The following SERPINI1 variants were observed in gnomAD, a reference collection of about 807,000 sequenced individuals.
SERPINI1 encodes neuroserpin.
Under a neutral mutation model 41.1 loss-of-function variants are expected in SERPINI1, and 19 were observed. That is an observed-to-expected ratio of 0.46 (90% CI 0.32 to 0.68). The LOEUF (loss-of-function observed/expected upper bound fraction) is 0.68, where lower values mean the gene tolerates loss of function less well. SERPINI1 is among the 30% of genes least tolerant of loss of function. The pLI, the probability that SERPINI1 is intolerant of heterozygous loss-of-function variation, is 0.03. For synonymous variants in SERPINI1, 138 were observed against 156.6 expected (o/e 0.88, Z 0.89); for missense variants, 460 against 479.2 (o/e 0.96, Z 0.37).
At position 167,788,364 on chromosome 3, in the gene SERPINI1, A is replaced by G. The variant is rs77471090; in HGVS notation, c.-18-747A>G. 1.9e-3 allele frequency among the ~76,000 whole-genome samples: 297 copies of G among 152,352 alleles called. 7 individuals are homozygous for G. The East Asian group carries it at 0.053, about 27-fold the overall frequency. On this transcript the variant is annotated intron_variant, in intron 1 of 8. Coordinates refer to ENST00000446050, the MANE Select transcript of SERPINI1 (RefSeq NM_001122752.2). ...GATAATTAGAAATATTAATTTAAATAGAAACACCAGTTTGTTTGGTGTAAG... is the reference window on the plus strand; with the variant it reads ...GATAATTAGAAATATTAATTTAAATGGAAACACCAGTTTGTTTGGTGTAAG...
intron 1 of SERPINI1, among the ~76,000 whole-genome samples, chr3:167,742,259 C>A (rs1378553342): frequency 6.6e-6 from 1 of 151,952 alleles, no homozygotes; most frequent in Non-Finnish European, 1.5e-5. Context: ...ATTGCATGGC[C>A]CAAAAGTGAT....
At chr3:167,786,368 C>T (rs372622088) in intron 1 of SERPINI1, among the ~76,000 whole-genome samples, 1 of 151,724 alleles carries the variant, frequency 6.6e-6, no homozygotes, top group Non-Finnish European at 1.5e-5. Context: ...ATTAGCCGGG[C>T]GTTGTGGCAG....
At chr3:167,796,692 C>A (rs1233311460) in intron 5 of SERPINI1, among the ~76,000 whole-genome samples, 1 of 152,132 alleles carries the variant, frequency 6.6e-6, no homozygotes, top group Non-Finnish European at 1.5e-5. Context: ...TGATCTCATT[C>A]CTTTTTATGG....
At chr3:167,792,808 T>A in intron 4 of SERPINI1, 24 bp downstream of exon 4, 3 of 1,564,524 alleles carry the variant, frequency 1.9e-6, no homozygotes, top group Non-Finnish European at 2.6e-6. Flanking sequence ...TGCTTTTATT[T>A]CTCTCTTCTT....
chr3:167,811,752 C>T (rs1472015054), intron 6 of SERPINI1, among the ~76,000 whole-genome samples: 1 of 152,112 alleles, frequency 6.6e-6, no homozygotes, highest in African/African-American at 2.4e-5. Flanking sequence ...CGCAGTGACT[C>T]ATGCCTGTAA....
chr3:167,804,382 C>T (rs1184253822), intron 5 of SERPINI1, among the ~76,000 whole-genome samples: 3 of 152,142 alleles, frequency 2.0e-5, no homozygotes, highest in African/African-American at 4.8e-5. Flanking sequence ...TTGACTATCA[C>T]GGACTTATCT....
chr3:167,782,100 C>T (rs1727151280), intron 1 of SERPINI1, among the ~76,000 whole-genome samples: 1 of 152,220 alleles, frequency 6.6e-6, no homozygotes, highest in African/African-American at 2.4e-5. Context: ...ACTGCAGCCT[C>T]TTGTTGTTTT....
At chr3:167,762,259 T>C (rs953837372) in intron 1 of SERPINI1, among the ~76,000 whole-genome samples, 1 of 151,988 alleles carries the variant, frequency 6.6e-6, no homozygotes, top group Non-Finnish European at 1.5e-5. Context: ...TCATTCCCTC[T>C]CCTCTCCTCA....
At chr3:167,807,420 C>T (rs1711687318) in intron 6 of SERPINI1, 79 bp downstream of exon 6, 4 of 939,314 alleles carry the variant, frequency 4.3e-6, no homozygotes, top group African/African-American at 3.3e-5. Context: ...CCTCTATTTA[C>T]TATGGAGTTC....
intron 1 of SERPINI1, among the ~76,000 whole-genome samples, chr3:167,747,444 A>T (rs1358182521): frequency 6.6e-6 from 1 of 152,208 alleles, no homozygotes; most frequent in East Asian, 1.9e-4. Flanking sequence ...GGAGATCGAA[A>T]CCATCCTGGC....
At chr3:167,775,348 G>A (rs774779021) in intron 1 of SERPINI1, among the ~76,000 whole-genome samples, 12 of 150,630 alleles carry the variant, frequency 8.0e-5, no homozygotes, top group Non-Finnish European at 1.6e-4. Context: ...TGCAACCTCC[G>A]CCTCCTGGGT....
intron 1 of SERPINI1, among the ~76,000 whole-genome samples, chr3:167,769,174 A>T (rs756124624): frequency 4.6e-5 from 7 of 151,992 alleles, no homozygotes; most frequent in Non-Finnish European, 7.4e-5. Context: ...TTGTATTTTT[A>T]GTAGAAACGG....
At chr3:167,806,378 T>G (rs889926953) in intron 5 of SERPINI1, among the ~76,000 whole-genome samples, 2 of 152,064 alleles carry the variant, frequency 1.3e-5, no homozygotes, top group African/African-American at 4.8e-5. Context: ...TAAATGCATG[T>G]GGAGCTTAAA....
chr3:167,797,276 T>A (rs1727747147), intron 5 of SERPINI1, among the ~76,000 whole-genome samples: 1 of 152,188 alleles, frequency 6.6e-6, no homozygotes, highest in African/African-American at 2.4e-5. Context: ...TTGGAAGAAT[T>A]TCCTCCCTTT....
chr3:167,736,323 G>A lies in SERPINI1; in HGVS notation c.-19+500G>A, dbSNP rs75507291. 8.3e-3 allele frequency among the ~76,000 whole-genome samples: 1,265 copies of A among 152,278 alleles called. 100 individuals are homozygous for A. The East Asian group carries it at 0.18, about 21-fold the overall frequency. On this transcript the variant is annotated intron_variant, in intron 1 of 8. Coordinates refer to ENST00000446050, the MANE Select transcript of SERPINI1 (RefSeq NM_001122752.2). ...AGTTTCCTAGAATTGCAAGAAATCC[G>A]TATTAAAGAAGCAAGTGCAGGCAGG... is the stretch of plus-strand genomic sequence containing the variant.
At chr3:167,757,078 A>G (rs1162094362) in intron 1 of SERPINI1, among the ~76,000 whole-genome samples, 2 of 152,226 alleles carry the variant, frequency 1.3e-5, no homozygotes, top group Non-Finnish European at 2.9e-5. Flanking sequence ...AGGGAAAGGC[A>G]CATTGAACAG....
At chr3:167,738,888 A>G (rs1725573680) in intron 1 of SERPINI1, among the ~76,000 whole-genome samples, 2 of 151,572 alleles carry the variant, frequency 1.3e-5, no homozygotes, top group South Asian at 2.1e-4. Flanking sequence ...TAAAAATCCT[A>G]CCTGTATACA....
chr3:167,759,192 T>A (rs547641074), intron 1 of SERPINI1, among the ~76,000 whole-genome samples: 1 of 152,192 alleles, frequency 6.6e-6, no homozygotes, highest in South Asian at 2.1e-4. Flanking sequence ...TTTTATAGAC[T>A]TTGAGTTCCA....
chr3:167,763,607 G>A (rs766757377), intron 1 of SERPINI1, among the ~76,000 whole-genome samples: 1 of 152,088 alleles, frequency 6.6e-6, no homozygotes, highest in East Asian at 1.9e-4. Flanking sequence ...GCTATACCAC[G>A]ATTTTACTGA....
Sources: allele counts gnomAD v4.1 joint callset (sites outside exome capture counted in the v4.1 genomes callset), GRCh38; gene constraint gnomAD v4.1.1; transcripts MANE v1.5; gene names NCBI Gene and HGNC (gene_info 2026-07-23, HGNC 2026-07-21).